QKI: variants seen among roughly 807,000 people sequenced by gnomAD.
QKI encodes QKI, KH domain containing RNA binding.
In QKI, 10 loss-of-function variants were observed where a neutral mutation model predicts 39.0. That is an observed-to-expected ratio of 0.26 (90% CI 0.16 to 0.43). QKI has a LOEUF of 0.43. QKI is among the 20% of genes least tolerant of loss of function. The probability of loss-of-function intolerance (pLI) is 1.00; values close to 1 mark genes in which losing one functional copy is unlikely to be tolerated. For missense variants in QKI, 218 were observed against 428.0 expected (o/e 0.51, Z 4.33); for synonymous variants, 204 against 155.4 (o/e 1.31, Z -2.33).
At chr6:163,541,252 C>T (rs1007720939) in intron 4 of QKI, among the ~76,000 whole-genome samples, 7 of 151,836 alleles carry the variant, frequency 4.6e-5, no homozygotes, top group African/African-American at 1.7e-4. Context: ...CAAATGTTTC[C>T]AAATATTTGA....
chr6:163,426,200 C>T (rs909008870), intron 1 of QKI, among the ~76,000 whole-genome samples: 1 of 151,298 alleles, frequency 6.6e-6, no homozygotes, highest in Non-Finnish European at 1.5e-5. Flanking sequence ...CAATACTGCT[C>T]ATTAAATCTG....
intron 1 of QKI, among the ~76,000 whole-genome samples, chr6:163,439,624 G>T (rs1373039201): frequency 1.4e-5 from 2 of 147,594 alleles, no homozygotes; most frequent in Non-Finnish European, 3.0e-5. Context: ...AAAGTGTTGA[G>T]ATTACAGGCA....
At chr6:163,438,204 GATTTCAGATAAT>G (rs1348257434) in intron 1 of QKI, among the ~76,000 whole-genome samples, 3 of 152,176 alleles carry the variant, frequency 2.0e-5, no homozygotes, top group Non-Finnish European at 2.9e-5. Flanking sequence ...ACCATTTTCA[GATTTCAGATAAT>G]ATTTCAGATA....
Position 163,573,929 on chromosome 6 carries a change from C to T in QKI, c.*3219C>T, listed in dbSNP as rs950294034. 1 of 150,512 alleles carries T rather than the reference C, an allele frequency of 6.6e-6. No homozygotes were observed. The highest frequency in any genetic ancestry group is 2.5e-5 in the African/African-American group (1 of 40,684). The allele number at this position is 150,512 out of a possible 1,614,324, so 9.3% of individuals were successfully genotyped here. A position where few individuals can be genotyped will look rare whatever the true frequency, so the allele number is the denominator to read the frequency against. On this transcript the variant is annotated 3_prime_UTR_variant, in exon 8 of 8. Transcript: ENST00000361752. ...CGTGACCACAGATAACATAGTGTGACTTGTTTTTATGTTGTTTGTCAGCTG... is the reference window on the plus strand; with the variant it reads ...CGTGACCACAGATAACATAGTGTGATTTGTTTTTATGTTGTTTGTCAGCTG...
chr6:163,540,490 T>G (rs971900597), intron 4 of QKI, among the ~76,000 whole-genome samples: 6 of 152,206 alleles, frequency 3.9e-5, no homozygotes, highest in Non-Finnish European at 8.8e-5. Context: ...TCAATTCGTA[T>G]TTGGGTTTCA....
intron 2 of QKI, among the ~76,000 whole-genome samples, chr6:163,460,585 G>C (rs1171187028): frequency 6.6e-6 from 1 of 152,166 alleles, no homozygotes; most frequent in Non-Finnish European, 1.5e-5. Flanking sequence ...TTTGTCAGCA[G>C]TCTTGAGAAG....
intron 3 of QKI, among the ~76,000 whole-genome samples, chr6:163,482,869 G>A (rs1369109079): frequency 6.6e-6 from 1 of 152,080 alleles, no homozygotes; most frequent in Admixed American, 6.5e-5. Context: ...ATTGGTGATC[G>A]ACTCAACATT....
chr6:163,452,325 C>T (rs1228311327), intron 1 of QKI, among the ~76,000 whole-genome samples: 1 of 152,078 alleles, frequency 6.6e-6, no homozygotes, highest in Non-Finnish European at 1.5e-5. Flanking sequence ...TTTTCATTCC[C>T]ATCATTACTA....
intron 3 of QKI, among the ~76,000 whole-genome samples, chr6:163,481,585 A>G (rs1161907095): frequency 6.6e-6 from 1 of 152,218 alleles, no homozygotes; most frequent in Non-Finnish European, 1.5e-5. Context: ...AATGCTATGT[A>G]CTTCTAATGC....
intron 6 of QKI, chr6:163,564,878 C>A: frequency 7.3e-7 from 1 of 1,376,256 alleles, no homozygotes; most frequent in Non-Finnish European, 9.4e-7. Context: ...ACTTTTAGGA[C>A]TTTGATCTTT....
chr6:163,568,097 G>A (rs1783476858), intron 7 of QKI: 2 of 985,426 alleles, frequency 2.0e-6, no homozygotes, highest in South Asian at 9.4e-5. Flanking sequence ...TTCCTTGTAA[G>A]TGTTCTGTAT....
chr6:163,567,050 T>G (rs927810366), intron 7 of QKI: 158 of 1,104,046 alleles, frequency 1.4e-4, no homozygotes, highest in Non-Finnish European at 1.7e-4. Context: ...AAAACATAAA[T>G]TAGTCAATTT....
chr6:163,534,867 C>A, intron 3 of QKI, 115 bp from the exon 4 acceptor site: 1 of 855,940 alleles, frequency 1.2e-6, no homozygotes, highest in Non-Finnish European at 1.7e-6. Context: ...CTTGTGCCAT[C>A]ATAGCAAAAT....
At chr6:163,451,124 A>G (rs1295602747) in intron 1 of QKI, among the ~76,000 whole-genome samples, 12 of 152,206 alleles carry the variant, frequency 7.9e-5, no homozygotes, top group Admixed American at 7.9e-4. Context: ...AAAAAAATTG[A>G]AATCTTCTGT....
chr6:163,511,330 T>C (rs905719690), intron 3 of QKI, among the ~76,000 whole-genome samples: 1 of 151,996 alleles, frequency 6.6e-6, no homozygotes, highest in Admixed American at 6.6e-5. Flanking sequence ...AACAGCAAGG[T>C]AAACCCAAGG....
intron 1 of QKI, among the ~76,000 whole-genome samples, chr6:163,442,180 A>G (rs1562437461): frequency 6.6e-6 from 1 of 152,172 alleles, no homozygotes; most frequent in African/African-American, 2.4e-5. Context: ...CATTTAAAAG[A>G]TTGCAAAAGT....
chr6:163,569,276 A>T lies in QKI; in HGVS notation c.1010-1418A>T, dbSNP rs3756879. 82,372 of 1,010,346 alleles carry T rather than the reference A, an allele frequency of 0.082. 3,760 individuals are homozygous for T. The highest frequency in any genetic ancestry group is 0.25 in the East Asian group (2,389 of 9,528). 62.6% of individuals were successfully genotyped at this position (1,010,346 alleles called of 1,614,324 possible). A position where few individuals can be genotyped will look rare whatever the true frequency, so the allele number is the denominator to read the frequency against. The stretch of plus-strand genomic sequence containing the variant: ...TTGTAGTATTTATAAACTGTTCTAA[A>T]TGATAGACTATAGAAAACATTTTTG... On this transcript the variant is annotated intron_variant, in intron 7 of 7. Coordinates refer to ENST00000361752, the MANE Select transcript of QKI (RefSeq NM_006775.3).
rs1180691011 is a variant in QKI at position 163,562,053 on chromosome 6, T to A, written c.618T>A (p.Asp206Glu). The change falls in exon 5 of 8, where the codon GAT (aspartate) becomes GAA (glutamate). Residue 206 changes from aspartate to glutamate, a missense_variant. Coordinates refer to ENST00000361752, the MANE Select transcript of QKI (RefSeq NM_006775.3). ...CGATTCTGAATGGCACCTACAGAGA[T>A]GCCAACATTAAATCACGTAAGAATG... ...ELAILNGTYRDANIKSPALAF... is the reference protein window; with the variant it reads ...ELAILNGTYREANIKSPALAF... 1 of 1,612,888 alleles carries A rather than the reference T, an allele frequency of 6.2e-7. No homozygotes were observed. The highest frequency in any genetic ancestry group is 8.5e-7 in the Non-Finnish European group (1 of 1,179,508).
At chr6:163,471,141 A>G (rs763031877) in intron 2 of QKI, among the ~76,000 whole-genome samples, 1 of 152,164 alleles carries the variant, frequency 6.6e-6, no homozygotes, top group Non-Finnish European at 1.5e-5. Context: ...TAAAGCAGCT[A>G]GAAGAGAGAA....
Sources: allele counts gnomAD v4.1 joint callset (sites outside exome capture counted in the v4.1 genomes callset), GRCh38; gene constraint gnomAD v4.1.1; transcripts MANE v1.5; gene names NCBI Gene and HGNC (gene_info 2026-07-23, HGNC 2026-07-21).